The following SELENOI variants were observed in gnomAD, a reference collection of about 807,000 sequenced individuals.
SELENOI encodes ethanolaminephosphotransferase 1.
Under a neutral mutation model 50.7 loss-of-function variants are expected in SELENOI, and 24 were observed. The observed-to-expected ratio is 0.47, with a 90% CI of 0.34 to 0.67. SELENOI has a LOEUF of 0.67. SELENOI is among the 30% of genes least tolerant of loss of function. The probability of loss-of-function intolerance (pLI) is 0.01; values close to 1 mark genes in which losing one functional copy is unlikely to be tolerated. For missense variants in SELENOI, 352 were observed against 461.4 expected, an observed-to-expected ratio of 0.76 and a Z score of 2.17; for synonymous variants, 155 against 170.2, an observed-to-expected ratio of 0.91 and a Z score of 0.70.
chr2:26,369,845 G>A (rs1677372268), intron 4 of SELENOI, among the ~76,000 whole-genome samples: 1 of 152,220 alleles, frequency 6.6e-6, no homozygotes, highest in Admixed American at 6.5e-5. Context: ...ACCCTGGTGT[G>A]TTTTGCTGAT....
At chr2:26,364,472 AT>A in intron 2 of SELENOI, 102 bp downstream of exon 2, 1 of 762,554 alleles carries the variant, frequency 1.3e-6, no homozygotes, top group Non-Finnish European at 2.1e-6. Flanking sequence ...TTCATAAGAT[AT>A]TTAGAGAAAC....
At chr2:26,384,502 G>A (rs559538746) in intron 7 of SELENOI, among the ~76,000 whole-genome samples, 1 of 152,194 alleles carries the variant, frequency 6.6e-6, no homozygotes, top group African/African-American at 2.4e-5. Flanking sequence ...TATGCCAGTC[G>A]CACCTCAGAG....
chr2:26,363,816 G>T (rs775991370), intron 1 of SELENOI, among the ~76,000 whole-genome samples: 14 of 152,042 alleles, frequency 9.2e-5, no homozygotes, highest in Non-Finnish European at 1.9e-4. Context: ...GCCCAGGCTG[G>T]AGTGCAGTGG....
intron 1 of SELENOI, among the ~76,000 whole-genome samples, chr2:26,356,918 C>T (rs1164189838): frequency 6.6e-6 from 1 of 152,050 alleles, no homozygotes; most frequent in East Asian, 1.9e-4. Flanking sequence ...GTTCTCCTGC[C>T]TTGAAGGTGT....
At position 26,393,469 on chromosome 2, in the gene SELENOI, T is replaced by A. The variant is rs576981435; in HGVS notation, c.*4366T>A. ...AGAGTAGCAAAAGAAGTTTTGCCAT[T>A]TGTAGCTCTCTCACAGGTAGCTTAA... On this transcript the variant is annotated 3_prime_UTR_variant, in exon 10 of 10. Transcript: ENST00000260585. 1.3e-5 allele frequency: 2 copies of A among 152,620 alleles called. No individual in the cohort carries two copies. The highest frequency in any genetic ancestry group is 1.3e-4 in the Admixed American group (2 of 15,304). 9.5% of individuals were successfully genotyped at this position (152,620 alleles called of 1,614,324 possible). A position where few individuals can be genotyped will look rare whatever the true frequency, so the allele number is the denominator to read the frequency against.
At chr2:26,371,613 C>T (rs1445673882) in intron 4 of SELENOI, among the ~76,000 whole-genome samples, 5 of 152,366 alleles carry the variant, frequency 3.3e-5, no homozygotes, top group African/African-American at 1.2e-4. Flanking sequence ...AATCCCGGCA[C>T]CTCGGGAGGC....
At position 26,386,488 on chromosome 2, in the gene SELENOI, A is replaced by C; in HGVS notation, c.1047A>C (p.Thr349=). 1 of 1,613,026 alleles carries C rather than the reference A, an allele frequency of 6.2e-7. No individual in the cohort carries two copies. The highest frequency in any genetic ancestry group is 1.1e-5 in the South Asian group (1 of 90,862). ...ASYVESILLY[T]LTTAFTLAHI... ...ACGTTGAGAGCATTCTCCTGTATAC[A>C]TTAACAACTGCTTTTACTCTGGCCC... Residue 349 remains threonine (T), a synonymous_variant, in exon 9 of 10, where the codon ACA becomes ACC. Coordinates refer to ENST00000260585, the MANE Select transcript of SELENOI (RefSeq NM_033505.4).
chr2:26,383,204 T>G lies in SELENOI; in HGVS notation c.683-95T>G, dbSNP rs973897964. ...ACACAAGTAAACTTGAACCTGAAAT[T>G]TTTGGGGTCTAAAAAAATTTGTTTT... On this transcript the variant is annotated intron_variant, in intron 6 of 9. Coordinates refer to ENST00000260585, the MANE Select transcript of SELENOI (RefSeq NM_033505.4). 4 of 754,284 alleles carry G rather than the reference T, an allele frequency of 5.3e-6. No homozygotes were observed. In the African/African-American group the frequency reaches 7.3e-5, roughly 14 times the overall value. The allele number at this position is 754,284 out of a possible 1,614,324, so 46.7% of individuals were successfully genotyped here.
rs187108952 is a variant in SELENOI, at chr2:26,365,947, G to A, written c.235+1007G>A. 4.3e-4 allele frequency among the ~76,000 whole-genome samples: 66 copies of A among 152,090 alleles called. 1 individual carries two copies. In the East Asian group the frequency reaches 9.5e-3, roughly 22 times the overall value. ...GTCCTGAGTAGCTGGGACTACAGGC[G>A]TGTACTTCCATGCCCAGCTAATTTT... On this transcript the variant is annotated intron_variant, in intron 3 of 9. Coordinates refer to ENST00000260585, the MANE Select transcript of SELENOI (RefSeq NM_033505.4).
At chr2:26,373,041 A>G (rs1462711313) in intron 4 of SELENOI, among the ~76,000 whole-genome samples, 1 of 152,062 alleles carries the variant, frequency 6.6e-6, no homozygotes. Flanking sequence ...GGTGCGCACC[A>G]CCATGCGTGG....
At chr2:26,376,093 A>G (rs1261020074) in intron 6 of SELENOI, among the ~76,000 whole-genome samples, 3 of 132,710 alleles carry the variant, frequency 2.3e-5, no homozygotes, top group African/African-American at 3.2e-5. Context: ...CCCTGTCTCA[A>G]AAAAAAAAAA....
At chr2:26,383,707 C>A (rs1443569775) in intron 7 of SELENOI, among the ~76,000 whole-genome samples, 1 of 152,014 alleles carries the variant, frequency 6.6e-6, no homozygotes, top group Non-Finnish European at 1.5e-5. Context: ...AAACCCGTCT[C>A]TACTAAAAAT....
At chr2:26,367,063 G>T (rs1407755250) in intron 3 of SELENOI, 83 bp from the exon 4 acceptor site, 21 of 1,135,140 alleles carry the variant, frequency 1.8e-5, no homozygotes, top group East Asian at 2.8e-5. Flanking sequence ...AACAAATAGC[G>T]ACACTTCTCA....
In SELENOI at chr2:26,389,196, C is replaced by T. The variant is rs1052200952; in HGVS notation, c.*93C>T. 21 of 981,616 alleles carry T rather than the reference C, an allele frequency of 2.1e-5. No individual in the cohort carries two copies. Among genetic ancestry groups the T allele is most frequent in the Admixed American group, 1.1e-4 (5 of 47,158 alleles). 60.8% of individuals were successfully genotyped at this position (981,616 alleles called of 1,614,324 possible). ...GAACTAGACTGATCTGCTTGACAGA[C>T]GTGGGATCTCAGTATGGTACTTGGA... On this transcript the variant is annotated 3_prime_UTR_variant, in exon 10 of 10. Transcript: ENST00000260585.
chr2:26,361,909 C>T (rs1189050289), intron 1 of SELENOI, among the ~76,000 whole-genome samples: 2 of 152,142 alleles, frequency 1.3e-5, no homozygotes, highest in South Asian at 2.1e-4. Context: ...CCGCCCGCCT[C>T]GGCCTCCCAA....
intron 1 of SELENOI, among the ~76,000 whole-genome samples, chr2:26,354,323 C>T (rs189263220): frequency 6.6e-6 from 1 of 152,224 alleles, no homozygotes; most frequent in Admixed American, 6.5e-5. Context: ...GCTATTCTGC[C>T]TCTCAAAACT....
rs368189048 is a variant in SELENOI, at chr2:26,349,116, A to G, written c.57+2827A>G. ...CTGAAACCTCCGCCTCCTGCGTTCAAGCGATTCTCCTGTCTCAGCCTCCCG... is the reference window on the plus strand; with the variant it reads ...CTGAAACCTCCGCCTCCTGCGTTCAGGCGATTCTCCTGTCTCAGCCTCCCG... On this transcript the variant is annotated intron_variant, in intron 1 of 9. Coordinates refer to ENST00000260585, the MANE Select transcript of SELENOI (RefSeq NM_033505.4). 1.1e-4 allele frequency among the ~76,000 whole-genome samples: 15 copies of G among 140,170 alleles called. No homozygotes were observed. In the South Asian group the frequency reaches 2.4e-3, roughly 23 times the overall value. 92.0% of individuals were successfully genotyped at this position (140,170 alleles called of 152,430 possible). A position where few individuals can be genotyped will look rare whatever the true frequency, so the allele number is the denominator to read the frequency against.
chr2:26,346,400 C>A, intron 1 of SELENOI, 111 bp downstream of exon 1: 1 of 1,327,332 alleles, frequency 7.5e-7, no homozygotes, highest in Non-Finnish European at 9.9e-7. Flanking sequence ...TCCGGGCGGG[C>A]TGGCGGGCGT....
At chr2:26,380,595 G>A (rs943629895) in intron 6 of SELENOI, among the ~76,000 whole-genome samples, 9 of 152,126 alleles carry the variant, frequency 5.9e-5, no homozygotes, top group African/African-American at 1.2e-4. Flanking sequence ...GAATAGTCTT[G>A]TACATCAGTC....
Sources: gnomAD v4.1 joint callset for allele counts (sites outside exome capture counted in the v4.1 genomes callset) on GRCh38, gnomAD v4.1.1 for gene constraint, MANE v1.5 for transcripts, NCBI Gene and HGNC (gene_info 2026-07-23, HGNC 2026-07-21) for gene names.